SGCZ: variants seen among roughly 807,000 people sequenced by gnomAD.
SGCZ encodes sarcoglycan zeta, also known as zeta-sarcoglycan.
Under a neutral mutation model 41.3 loss-of-function variants are expected in SGCZ, and 40 were observed. The ratio of observed to expected loss-of-function variants is 0.97; its 90% CI spans 0.75 to 1.26. The LOEUF (loss-of-function observed/expected upper bound fraction) is 1.26. Ranked by LOEUF, SGCZ falls within the 50% of genes most tolerant of loss-of-function variation. The pLI is 0.00. For missense variants in SGCZ, 552 were observed against 369.8 expected, an observed-to-expected ratio of 1.49 and a Z score of -4.04; for synonymous variants, 206 against 137.5, an observed-to-expected ratio of 1.50 and a Z score of -3.49.
At chr8:14,974,409 G>A (rs995086621) in intron 1 of SGCZ, among the ~76,000 whole-genome samples, 4 of 152,166 alleles carry the variant, frequency 2.6e-5, no homozygotes, top group African/African-American at 9.7e-5. Context: ...ATTAGCATGT[G>A]ATACCTGCAG....
At chr8:14,446,811 C>T (rs11784763) in intron 2 of SGCZ, among the ~76,000 whole-genome samples, 19,626 of 151,976 alleles carry the variant, frequency 0.13, 1,275 homozygotes, top group African/African-American at 0.14. Flanking sequence ...AAAACTAATA[C>T]GTATATGGAC....
intron 1 of SGCZ, among the ~76,000 whole-genome samples, chr8:15,097,010 T>G (rs1286718513): frequency 6.6e-6 from 1 of 151,922 alleles, no homozygotes; most frequent in Non-Finnish European, 1.5e-5. Context: ...AGATGGGAGG[T>G]CTCACTGTGT....
chr8:15,004,689 A>G (rs763270585), intron 1 of SGCZ, among the ~76,000 whole-genome samples: 1 of 152,132 alleles, frequency 6.6e-6, no homozygotes, highest in Non-Finnish European at 1.5e-5. Context: ...CTTGGCAGAA[A>G]TCTTTCTCCC....
At chr8:14,148,231 T>C (rs1803587903) in intron 5 of SGCZ, among the ~76,000 whole-genome samples, 1 of 151,722 alleles carries the variant, frequency 6.6e-6, no homozygotes, top group Admixed American at 6.6e-5. Context: ...TTGAATTTTT[T>C]TAAAAAGTAC....
intron 1 of SGCZ, among the ~76,000 whole-genome samples, chr8:15,145,184 T>C (rs1490705122): frequency 1.3e-5 from 2 of 152,204 alleles, no homozygotes; most frequent in Non-Finnish European, 2.9e-5. Flanking sequence ...TTCTTTACGA[T>C]TCTGAAATTC....
At chr8:15,067,846 C>T (rs562421497) in intron 1 of SGCZ, among the ~76,000 whole-genome samples, 6 of 152,222 alleles carry the variant, frequency 3.9e-5, no homozygotes, top group African/African-American at 1.2e-4. Context: ...TCAAGCAATG[C>T]AATTTGAAAA....
chr8:14,274,359 A>C (rs751442450), intron 3 of SGCZ, among the ~76,000 whole-genome samples: 18 of 152,164 alleles, frequency 1.2e-4, no homozygotes, highest in Non-Finnish European at 2.6e-4. Context: ...GCACTTATTA[A>C]GGAGACAGTT....
chr8:14,609,468 T>A (rs890449093), intron 1 of SGCZ, among the ~76,000 whole-genome samples: 4 of 152,182 alleles, frequency 2.6e-5, no homozygotes, highest in African/African-American at 9.7e-5. Context: ...AAAAAAGTCT[T>A]AATTAAATTA....
intron 1 of SGCZ, among the ~76,000 whole-genome samples, chr8:14,882,619 C>T (rs1234316554): frequency 6.6e-6 from 1 of 152,138 alleles, no homozygotes; most frequent in African/African-American, 2.4e-5. Context: ...ACTCAGATAG[C>T]AATTCTGCCA....
At chr8:14,233,509 T>C (rs991190756) in intron 4 of SGCZ, among the ~76,000 whole-genome samples, 4 of 150,422 alleles carry the variant, frequency 2.7e-5, no homozygotes, top group African/African-American at 9.7e-5. Context: ...AGAATTATTA[T>C]TAGTAGCGTT....
intron 1 of SGCZ, among the ~76,000 whole-genome samples, chr8:14,808,653 AT>A (rs1451611629): frequency 6.6e-6 from 1 of 152,144 alleles, no homozygotes; most frequent in Admixed American, 6.5e-5. Context: ...TAATTCAACC[AT>A]TGTGGAAGTC....
chr8:15,202,803 A>T (rs78464409), intron 1 of SGCZ, among the ~76,000 whole-genome samples: 9,097 of 152,186 alleles, frequency 0.06, 311 homozygotes, highest in African/African-American at 0.078. Flanking sequence ...CACAGAGTAA[A>T]TAAAAAGCTA....
chr8:14,908,219 C>G (rs1799175285), intron 1 of SGCZ, among the ~76,000 whole-genome samples: 1 of 152,074 alleles, frequency 6.6e-6, no homozygotes. Flanking sequence ...TTCTCTAAAT[C>G]ATTTTTATCT....
At chr8:14,557,680 G>C (rs1270597863) in intron 1 of SGCZ, among the ~76,000 whole-genome samples, 1 of 151,866 alleles carries the variant, frequency 6.6e-6, no homozygotes, top group Admixed American at 6.6e-5. Context: ...GTTGAATAGG[G>C]TGTCCTTTCC....
intron 1 of SGCZ, among the ~76,000 whole-genome samples, chr8:14,997,631 A>T (rs13271146): frequency 0.36 from 54,878 of 152,110 alleles, 10,182 homozygotes; most frequent in South Asian, 0.38. Flanking sequence ...ACCACTAAAA[A>T]GTAAAGCATC....
intron 1 of SGCZ, among the ~76,000 whole-genome samples, chr8:14,624,030 T>G (rs1173057662): frequency 6.6e-6 from 1 of 152,218 alleles, no homozygotes; most frequent in African/African-American, 2.4e-5. Context: ...TTCTAGCAGA[T>G]AAAACACACT....
intron 1 of SGCZ, among the ~76,000 whole-genome samples, chr8:14,738,425 C>T (rs1297693779): frequency 2.6e-5 from 4 of 151,982 alleles, no homozygotes; most frequent in Non-Finnish European, 5.9e-5. Flanking sequence ...TGATATAAGC[C>T]GCTAGCTAGA....
At chr8:15,088,840 C>G (rs557940328) in intron 1 of SGCZ, among the ~76,000 whole-genome samples, 5 of 152,236 alleles carry the variant, frequency 3.3e-5, no homozygotes, top group African/African-American at 1.2e-4. Context: ...CTCACATGGC[C>G]TTTGCACCAC....
intron 1 of SGCZ, among the ~76,000 whole-genome samples, chr8:14,936,839 T>C (rs755735027): frequency 1.3e-5 from 2 of 151,690 alleles, no homozygotes; most frequent in Non-Finnish European, 3.0e-5. Context: ...AAAAATAAAA[T>C]CTCAAAATAT....
Sources: gnomAD v4.1 joint callset for allele counts (sites outside exome capture counted in the v4.1 genomes callset) on GRCh38, gnomAD v4.1.1 for gene constraint, MANE v1.5 for transcripts, NCBI Gene and HGNC (gene_info 2026-07-23, HGNC 2026-07-21) for gene names.